PTER: variants seen among roughly 807,000 people sequenced by gnomAD.
PTER encodes phosphotriesterase related.
Under a neutral mutation model 29.6 loss-of-function variants are expected in PTER, and 38 were observed. That is an observed-to-expected ratio of 1.28 (90% CI 0.99 to 1.68). The LOEUF is 1.68. Among genes scored for constraint, PTER ranks in the 40% most tolerant of loss-of-function variants. The pLI, the probability that PTER is intolerant of heterozygous loss-of-function variation, is 0.00. For synonymous variants in PTER, 172 were observed against 154.5 expected (o/e 1.11, Z -0.84); for missense variants, 482 against 427.8 (o/e 1.13, Z -1.12).
chr10:16,482,495 A>G (rs1279520374), intron 1 of PTER, among the ~76,000 whole-genome samples: 1 of 152,190 alleles, frequency 6.6e-6, no homozygotes, highest in Admixed American at 6.5e-5. Flanking sequence ...TACCTGTGGT[A>G]TCTAATTTAT....
chr10:16,490,187 G>A (rs867267038), intron 3 of PTER, among the ~76,000 whole-genome samples: 2 of 152,236 alleles, frequency 1.3e-5, no homozygotes, highest in Middle Eastern at 3.4e-3. Context: ...TTATAATAAG[G>A]TGTTGAACAG....
intron 3 of PTER, among the ~76,000 whole-genome samples, chr10:16,491,119 TCAGA>T (rs1835884170): frequency 6.6e-6 from 1 of 152,084 alleles, no homozygotes; most frequent in African/African-American, 2.4e-5. Context: ...TGACCTGACA[TCAGA>T]CAAACTCAGA....
At chr10:16,480,907 G>T (rs542518701) in intron 1 of PTER, among the ~76,000 whole-genome samples, 4 of 152,208 alleles carry the variant, frequency 2.6e-5, no homozygotes, top group African/African-American at 9.6e-5. Context: ...TTAAACATGC[G>T]TATTTTAAAT....
At chr10:16,497,123 C>T (rs538716491) in intron 3 of PTER, among the ~76,000 whole-genome samples, 52 of 152,050 alleles carry the variant, frequency 3.4e-4, no homozygotes, top group South Asian at 8.3e-4. Context: ...TTAGTAGAGA[C>T]GAGGTCTCAC....
chr10:16,467,183 A>G (rs1834867179), intron 1 of PTER, among the ~76,000 whole-genome samples: 2 of 152,226 alleles, frequency 1.3e-5, no homozygotes, highest in South Asian at 4.1e-4. Flanking sequence ...TAAGACAGAA[A>G]GAGAGAGAGG....
intron 2 of PTER, among the ~76,000 whole-genome samples, chr10:16,485,937 A>C (rs1029337991): frequency 2.0e-5 from 3 of 152,180 alleles, no homozygotes; most frequent in Non-Finnish European, 2.9e-5. Flanking sequence ...TTCTTTAAAA[A>C]AAACAAAGAA....
intron 1 of PTER, among the ~76,000 whole-genome samples, chr10:16,457,810 A>G (rs967408258): frequency 6.6e-6 from 1 of 151,408 alleles, no homozygotes; most frequent in South Asian, 2.1e-4. Flanking sequence ...GGATTTCACC[A>G]TGTTGGCCGC....
intron 1 of PTER, among the ~76,000 whole-genome samples, chr10:16,472,724 ACTT>A (rs1290869000): frequency 1.3e-5 from 2 of 152,138 alleles, no homozygotes; most frequent in East Asian, 3.8e-4. Context: ...TAAATACTTT[ACTT>A]CTTTGGCATT....
chr10:16,488,804 C>T (rs570706942), intron 3 of PTER, among the ~76,000 whole-genome samples: 2 of 152,230 alleles, frequency 1.3e-5, no homozygotes, highest in Non-Finnish European at 2.9e-5. Flanking sequence ...GGTTCTTGCC[C>T]TGTTGCCGAG....
chr10:16,467,706 G>A (rs369984413), intron 1 of PTER, among the ~76,000 whole-genome samples: 15 of 152,244 alleles, frequency 9.9e-5, no homozygotes, highest in African/African-American at 3.1e-4. Context: ...TAGCTACTCG[G>A]GAGGCTGACG....
At position 16,511,415 on chromosome 10, in the gene PTER, A is replaced by G. The variant is rs899915395; in HGVS notation, c.*159A>G. The G allele has an allele frequency of 3.2e-5, 21 of 659,652 alleles. No homozygotes were observed. The highest frequency in any genetic ancestry group is 3.1e-4 in the African/African-American group (17 of 55,272). 40.9% of individuals were successfully genotyped at this position (659,652 alleles called of 1,614,324 possible). On this transcript the variant is annotated 3_prime_UTR_variant, in exon 5 of 5. Transcript: ENST00000535784. ...GGGTTTGCCTTCTCTGAGACCAGCT[A>G]TTACAACTGTGCCTCTAGGGAGTTA...
intron 1 of PTER, among the ~76,000 whole-genome samples, chr10:16,482,718 G>T (rs1164605557): frequency 6.6e-6 from 1 of 152,132 alleles, no homozygotes; most frequent in East Asian, 1.9e-4. Context: ...GGCCATGCAG[G>T]AGTTTGTCCT....
chr10:16,461,987 AT>A (rs1329900704), intron 1 of PTER, among the ~76,000 whole-genome samples: 300 of 137,598 alleles, frequency 2.2e-3, no homozygotes, highest in East Asian at 4.0e-3. Flanking sequence ...ATTTCCTAGG[AT>A]TTTTTTTTTT....
At position 16,459,057 on chromosome 10, in the gene PTER, T is replaced by C. The variant is rs186571812; in HGVS notation, c.-49+22010T>C. 3.4e-3 allele frequency among the ~76,000 whole-genome samples: 514 copies of C among 152,330 alleles called. 2 individuals are homozygous for C. The highest frequency in any genetic ancestry group is 5.9e-3 in the Non-Finnish European group (403 of 68,016). ...GCCTTAAAAATTCTACCCCCAGAGA[T>C]GACCTATATTAGCATCTCTGGGTAT... On this transcript the variant is annotated intron_variant, in intron 1 of 4. Transcript: ENST00000535784.
chr10:16,480,377 A>C (rs1371550530), intron 1 of PTER, among the ~76,000 whole-genome samples: 1 of 151,700 alleles, frequency 6.6e-6, no homozygotes, highest in African/African-American at 2.4e-5. Flanking sequence ...TGTATTTTTT[A>C]TAGAGACAGG....
At chr10:16,502,650 G>A (rs752346651) in intron 3 of PTER, among the ~76,000 whole-genome samples, 29 of 152,018 alleles carry the variant, frequency 1.9e-4, no homozygotes, top group East Asian at 5.8e-4. Flanking sequence ...GAAACTTCCC[G>A]CACCCGTGGC....
chr10:16,443,809 G>A (rs1006340818), intron 1 of PTER, among the ~76,000 whole-genome samples: 3 of 152,122 alleles, frequency 2.0e-5, no homozygotes, highest in Admixed American at 6.5e-5. Context: ...ATGAGTCCAT[G>A]TACTTACGTG....
chr10:16,467,202 C>T (rs1299351652), intron 1 of PTER, among the ~76,000 whole-genome samples: 4 of 152,100 alleles, frequency 2.6e-5, no homozygotes, highest in South Asian at 4.1e-4. Flanking sequence ...GGAGAGAAAC[C>T]GCATTCACGT....
At chr10:16,454,426 A>G (rs1834320872) in intron 1 of PTER, among the ~76,000 whole-genome samples, 2 of 152,014 alleles carry the variant, frequency 1.3e-5, no homozygotes, top group Admixed American at 1.3e-4. Flanking sequence ...AATACAAAAA[A>G]TTAGCCAGGC....
Sources: allele counts gnomAD v4.1 joint callset (sites outside exome capture counted in the v4.1 genomes callset), GRCh38; gene constraint gnomAD v4.1.1; transcripts MANE v1.5; gene names NCBI Gene and HGNC (gene_info 2026-07-23, HGNC 2026-07-21).